AGBL1: variants seen among roughly 807,000 people sequenced by gnomAD.
AGBL1 encodes cytosolic carboxypeptidase 4.
Under a neutral mutation model 118.9 loss-of-function variants are expected in AGBL1, and 130 were observed. The observed-to-expected ratio is 1.09, with a 90% CI of 0.95 to 1.26. The LOEUF (loss-of-function observed/expected upper bound fraction) is 1.26, where lower values mean the gene tolerates loss of function less well. Among genes scored for constraint, AGBL1 ranks in the 50% most tolerant of loss-of-function variants. AGBL1 has a pLI of 0.00. For missense variants in AGBL1, 1,584 were observed against 1,298.1 expected (o/e 1.22, Z -3.38); for synonymous variants, 555 against 478.9 (o/e 1.16, Z -2.08).
chr15:86,457,867 C>A (rs2082280066), intron 18 of AGBL1, among the ~76,000 whole-genome samples: 1 of 152,104 alleles, frequency 6.6e-6, no homozygotes, highest in African/African-American at 2.4e-5. Flanking sequence ...CCTCTAAGAC[C>A]TCTCTGGGCC....
At chr15:86,118,412 C>G (rs1009876810) in intron 1 of AGBL1, among the ~76,000 whole-genome samples, 3 of 151,924 alleles carry the variant, frequency 2.0e-5, no homozygotes, top group Non-Finnish European at 4.4e-5. Context: ...AACTCTGCAG[C>G]ACCACGTACA....
intron 22 of AGBL1, among the ~76,000 whole-genome samples, chr15:86,875,660 C>T (rs956565421): frequency 6.6e-6 from 1 of 152,158 alleles, no homozygotes; most frequent in Non-Finnish European, 1.5e-5. Context: ...TATTGAACCC[C>T]TGGCTTTCCT....
At chr15:86,107,534 C>T (rs1897122030) in intron 1 of AGBL1, 1 of 152,208 alleles carries the variant, frequency 6.6e-6, no homozygotes, top group Admixed American at 6.5e-5. Context: ...TGAATACTCA[C>T]CCAAGTCTTT....
At chr15:87,009,810 T>A (rs2081540069) in intron 24 of AGBL1, among the ~76,000 whole-genome samples, 1 of 152,190 alleles carries the variant, frequency 6.6e-6, no homozygotes, top group Non-Finnish European at 1.5e-5. Flanking sequence ...CCCACTGGAT[T>A]TTGGACTTGC....
intron 21 of AGBL1, among the ~76,000 whole-genome samples, chr15:86,575,607 G>A (rs1567066178): frequency 6.6e-6 from 1 of 151,882 alleles, no homozygotes; most frequent in Admixed American, 6.6e-5. Context: ...ATTATTTTTA[G>A]AGACAAGATC....
At chr15:86,080,622 T>C (rs1895204756) in intron 1 of AGBL1, among the ~76,000 whole-genome samples, 1 of 152,192 alleles carries the variant, frequency 6.6e-6, no homozygotes, top group Admixed American at 6.5e-5. Flanking sequence ...TTTTGAGAAT[T>C]CTTGTTCTAC....
intron 22 of AGBL1, among the ~76,000 whole-genome samples, chr15:86,684,254 C>A (rs954782795): frequency 1.3e-5 from 2 of 152,016 alleles, no homozygotes; most frequent in Non-Finnish European, 2.9e-5. Context: ...AAAGATGGTG[C>A]CTTTTAAAGT....
intron 17 of AGBL1, among the ~76,000 whole-genome samples, chr15:86,378,467 A>G (rs1020475568): frequency 1.3e-5 from 2 of 152,058 alleles, no homozygotes; most frequent in African/African-American, 4.8e-5. Flanking sequence ...CCTCAGCCGA[A>G]CAGAGGAAAT....
At chr15:86,878,762 G>T (rs1353835363) in intron 22 of AGBL1, among the ~76,000 whole-genome samples, 2 of 152,200 alleles carry the variant, frequency 1.3e-5, no homozygotes, top group African/African-American at 4.8e-5. Flanking sequence ...TAGCTAATCA[G>T]CCTGCTCAAC....
intron 6 of AGBL1, among the ~76,000 whole-genome samples, chr15:86,232,245 C>T (rs79685896): frequency 0.046 from 6,982 of 152,318 alleles, 235 homozygotes; most frequent in Non-Finnish European, 0.068. Flanking sequence ...TCGTCGCCCC[C>T]ATCCCTGTCC....
intron 22 of AGBL1, among the ~76,000 whole-genome samples, chr15:86,748,363 T>A (rs1280097138): frequency 6.6e-6 from 1 of 152,124 alleles, no homozygotes; most frequent in African/African-American, 2.4e-5. Flanking sequence ...CAGTTCTTTG[T>A]GGATTCTGGA....
chr15:86,826,656 A>G (rs997735228), intron 22 of AGBL1, among the ~76,000 whole-genome samples: 3 of 152,094 alleles, frequency 2.0e-5, no homozygotes, highest in African/African-American at 7.2e-5. Flanking sequence ...GGTGCTGTTA[A>G]TGTTACTGTT....
chr15:86,212,867 T>G (rs764129611), intron 5 of AGBL1, among the ~76,000 whole-genome samples: 143 of 152,188 alleles, frequency 9.4e-4, no homozygotes, highest in Admixed American at 2.2e-3. Flanking sequence ...CCAGGCTGGT[T>G]TCGAACTGTT....
intron 18 of AGBL1, among the ~76,000 whole-genome samples, chr15:86,497,506 T>C (rs533377694): frequency 2.6e-5 from 4 of 152,070 alleles, no homozygotes; most frequent in African/African-American, 4.8e-5. Context: ...TTTCAAAACA[T>C]TTCTGTTTAT....
chr15:86,996,574 C>T (rs901369661), intron 24 of AGBL1, among the ~76,000 whole-genome samples: 4 of 152,174 alleles, frequency 2.6e-5, no homozygotes, highest in Admixed American at 6.5e-5. Context: ...TGTACTCCAG[C>T]CTGGGCAACA....
intron 15 of AGBL1, among the ~76,000 whole-genome samples, chr15:86,277,096 A>C (rs2079265187): frequency 6.6e-6 from 1 of 152,006 alleles, no homozygotes; most frequent in African/African-American, 2.4e-5. Context: ...AAGGGTTGTA[A>C]CTGAATTTCT....
At chr15:86,299,066 T>G (rs184914568) in intron 17 of AGBL1, among the ~76,000 whole-genome samples, 3 of 152,218 alleles carry the variant, frequency 2.0e-5, no homozygotes, top group African/African-American at 7.2e-5. Flanking sequence ...TAACTTATTT[T>G]CAGTTGAGTC....
chr15:86,344,877 C>A (rs2080512585), intron 17 of AGBL1, among the ~76,000 whole-genome samples: 1 of 152,016 alleles, frequency 6.6e-6, no homozygotes, highest in Admixed American at 6.6e-5. Flanking sequence ...TGGACGGGAA[C>A]TTGATTTGCC....
At chr15:86,605,050 C>T (rs1219212839) in intron 21 of AGBL1, among the ~76,000 whole-genome samples, 2 of 152,194 alleles carry the variant, frequency 1.3e-5, no homozygotes, top group Non-Finnish European at 2.9e-5. Flanking sequence ...CTGCCTCAGC[C>T]TCCCAAAGTG....
Sources: gnomAD v4.1 joint callset for allele counts (sites outside exome capture counted in the v4.1 genomes callset) on GRCh38, gnomAD v4.1.1 for gene constraint, MANE v1.5 for transcripts, NCBI Gene and HGNC (gene_info 2026-07-23, HGNC 2026-07-21) for gene names.